Variants in MARCO observed in about 807,000 individuals in gnomAD.
MARCO encodes macrophage receptor MARCO.
Under a neutral mutation model 70.0 loss-of-function variants are expected in MARCO, and 72 were observed. That is an observed-to-expected ratio of 1.03 (90% CI 0.85 to 1.25). The LOEUF (loss-of-function observed/expected upper bound fraction) is 1.25, where lower values mean the gene tolerates loss of function less well. MARCO is among the 50% of genes most tolerant of loss of function. The pLI, the probability that MARCO is intolerant of heterozygous loss-of-function variation, is 0.00. For missense variants in MARCO, 696 were observed against 659.3 expected, an observed-to-expected ratio of 1.06 and a Z score of -0.61; for synonymous variants, 273 against 243.1, an observed-to-expected ratio of 1.12 and a Z score of -1.14.
chr2:118,991,712 G>A (rs1399180656), intron 13 of MARCO, 65 bp from the exon 14 acceptor site: 2 of 889,570 alleles, frequency 2.2e-6, no homozygotes, highest in East Asian at 2.7e-5. Context: ...AAACAGTAAT[G>A]CCCTTGGGTC....
chr2:118,989,367 G>A (rs17796260), intron 12 of MARCO, among the ~76,000 whole-genome samples: 17,448 of 152,126 alleles, frequency 0.11, 1,160 homozygotes, highest in South Asian at 0.26. Context: ...TCCCTAACAC[G>A]AGGAACAGAA....
At position 118,982,141 on chromosome 2, in the gene MARCO, C is replaced by A. The variant is rs1198809380; in HGVS notation, c.902-15C>A. The A allele has an allele frequency of 6.3e-7, 1 of 1,577,392 alleles. No homozygotes were observed. Reference sequence around the variant, plus strand: ...GCCAACCACCACAGCCTGGCAGTCACTACTTTCCTTTCAGGACAACCTGGA... The same window carrying A: ...GCCAACCACCACAGCCTGGCAGTCAATACTTTCCTTTCAGGACAACCTGGA... On this transcript the variant is annotated splice_polypyrimidine_tract_variant and intron_variant, in intron 10 of 16. Coordinates refer to ENST00000327097, the MANE Select transcript of MARCO (RefSeq NM_006770.4).
intron 1 of MARCO, among the ~76,000 whole-genome samples, chr2:118,945,272 T>C (rs185185170): frequency 6.6e-6 from 1 of 152,240 alleles, no homozygotes; most frequent in Admixed American, 6.5e-5. Context: ...AAATTAGCAA[T>C]CTGTGTCTGG....
intron 1 of MARCO, chr2:118,949,917 A>G (rs1183910208): frequency 1.3e-5 from 2 of 152,344 alleles, no homozygotes; most frequent in East Asian, 3.9e-4. Flanking sequence ...ATCTGTGCTA[A>G]AAGACCTTTT....
chr2:118,946,460 T>C (rs141555596), intron 1 of MARCO, among the ~76,000 whole-genome samples: 2 of 152,272 alleles, frequency 1.3e-5, no homozygotes, highest in South Asian at 4.1e-4. Flanking sequence ...TTTTTTCACA[T>C]AGTGTAATTC....
intron 4 of MARCO, 51 bp downstream of exon 4, chr2:118,971,585 CA>C: frequency 6.3e-7 from 1 of 1,597,838 alleles, no homozygotes; most frequent in Non-Finnish European, 8.6e-7. Context: ...AAAACCTCCC[CA>C]AAAGGGCCCC....
At chr2:118,959,566 A>G (rs1679903353) in intron 1 of MARCO, among the ~76,000 whole-genome samples, 1 of 152,222 alleles carries the variant, frequency 6.6e-6, no homozygotes. Flanking sequence ...CTGCTATGGA[A>G]AACAGTGTGG....
intron 1 of MARCO, chr2:118,949,179 G>T (rs1163995546): frequency 1.3e-5 from 2 of 152,178 alleles, no homozygotes; most frequent in African/African-American, 4.8e-5. Context: ...TTTATTCCAG[G>T]GGGTGGAATC....
chr2:118,971,286 C>T (rs1015395292), intron 3 of MARCO, among the ~76,000 whole-genome samples: 6 of 152,104 alleles, frequency 3.9e-5, no homozygotes, highest in East Asian at 3.9e-4. Flanking sequence ...GGGTGCAGTC[C>T]GCTAGTTGCA....
intron 1 of MARCO, among the ~76,000 whole-genome samples, chr2:118,966,483 A>G (rs1256532330): frequency 6.6e-6 from 1 of 152,152 alleles, no homozygotes; most frequent in African/African-American, 2.4e-5. Context: ...TTTGTACAGA[A>G]TGAGTTATAT....
intron 1 of MARCO, among the ~76,000 whole-genome samples, chr2:118,959,570 A>C (rs1160811311): frequency 6.6e-6 from 1 of 152,218 alleles, no homozygotes; most frequent in Non-Finnish European, 1.5e-5. Flanking sequence ...TATGGAAAAC[A>C]GTGTGGAGAT....
chr2:118,963,177 A>T (rs1679980684), intron 1 of MARCO, among the ~76,000 whole-genome samples: 1 of 151,492 alleles, frequency 6.6e-6, no homozygotes, highest in Non-Finnish European at 1.5e-5. Flanking sequence ...CTTGAGGAAA[A>T]AACTTAGTGT....
intron 16 of MARCO, among the ~76,000 whole-genome samples, chr2:118,993,767 A>C (rs929122495): frequency 3.3e-5 from 5 of 152,228 alleles, no homozygotes; most frequent in Non-Finnish European, 7.4e-5. Flanking sequence ...AGGGAAGAGA[A>C]AGCAAATCAG....
At chr2:118,949,441 G>A (rs1243663313) in intron 1 of MARCO, 2 of 152,174 alleles carry the variant, frequency 1.3e-5, no homozygotes, top group East Asian at 3.9e-4. Flanking sequence ...GGCATGAGGC[G>A]AGTCATAGTT....
chr2:118,952,219 T>C (rs1478357097), intron 1 of MARCO, among the ~76,000 whole-genome samples: 2 of 152,102 alleles, frequency 1.3e-5, no homozygotes, highest in African/African-American at 4.8e-5. Context: ...GCCTTGCCTG[T>C]CCTGGAAGGC....
intron 8 of MARCO, among the ~76,000 whole-genome samples, chr2:118,978,850 T>C (rs1030305412): frequency 3.3e-5 from 5 of 152,130 alleles, no homozygotes; most frequent in Non-Finnish European, 5.9e-5. Context: ...AGTAATAGTA[T>C]TAGTAATAAT....
chr2:118,948,732 G>A (rs1679651774), intron 1 of MARCO, among the ~76,000 whole-genome samples: 1 of 152,118 alleles, frequency 6.6e-6, no homozygotes, highest in African/African-American at 2.4e-5. Context: ...TTGGATGTAT[G>A]GTACAACATA....
rs577379543 is a variant in MARCO at position 118,967,507 on chromosome 2, C to T, written c.98-1653C>T. 2.6e-5 allele frequency among the ~76,000 whole-genome samples: 4 copies of T among 152,166 alleles called. No individual in the cohort carries two copies. The East Asian group carries it at 7.8e-4, about 29-fold the overall frequency. On this transcript the variant is annotated intron_variant, in intron 1 of 16. Transcript: ENST00000327097. The stretch of plus-strand genomic sequence containing the variant: ...CTTGGGCAGGTTATGTGTTGTGGGG[C>T]TCACTCAGGCTGCTGTGTGAGCCTG...
chr2:118,992,605 T>C, intron 15 of MARCO, 129 bp downstream of exon 15: 2 of 771,392 alleles, frequency 2.6e-6, no homozygotes, highest in South Asian at 3.4e-5. Flanking sequence ...GTTGAGGGTC[T>C]AGTCCCTTGA....
Sources: allele counts gnomAD v4.1 joint callset (sites outside exome capture counted in the v4.1 genomes callset), GRCh38; gene constraint gnomAD v4.1.1; transcripts MANE v1.5; gene names NCBI Gene and HGNC (gene_info 2026-07-23, HGNC 2026-07-21).